The following KPTN variants were observed in gnomAD, a reference collection of about 807,000 sequenced individuals.
The protein encoded by KPTN is kaptin, actin binding protein.
A neutral mutation model predicts 52.6 loss-of-function variants in KPTN; 36 were observed. The ratio of observed to expected loss-of-function variants is 0.68; its 90% CI spans 0.52 to 0.90. KPTN has a LOEUF of 0.90. Among genes scored for constraint, KPTN ranks in the 40% least tolerant of loss-of-function variants. The pLI, the probability that KPTN is intolerant of heterozygous loss-of-function variation, is 0.00. For missense variants in KPTN, 529 were observed against 576.2 expected (o/e 0.92, Z 0.84); for synonymous variants, 271 against 248.4 (o/e 1.09, Z -0.85).
In KPTN at chr19:47,479,899, A is replaced by G; in HGVS notation, c.751T>C (p.Ser251Pro). The G allele has an allele frequency of 6.2e-7, 1 of 1,613,050 alleles. No homozygotes were observed. Among genetic ancestry groups the G allele is most frequent in the Non-Finnish European group, 8.5e-7 (1 of 1,179,492 alleles). Residue 251 changes from serine (S) to proline (P), a missense_variant, in exon 8 of 12, where the codon TCC (serine) becomes CCC (proline). Ser to Pro is a moderately conservative substitution (Grantham distance 74). Coordinates refer to ENST00000338134, the MANE Select transcript of KPTN (RefSeq NM_007059.4). ...GAGAGGCTGAACACAATCACTCGGGAGATGGGACCGTCCTGCAGGACCGAC... is the reference window on the plus strand; with the variant it reads ...GAGAGGCTGAACACAATCACTCGGGGGATGGGACCGTCCTGCAGGACCGAC... ...MWSVLQDGPI[S>P]RVIVFSLSAA...
In KPTN at chr19:47,483,537, T is replaced by TG. The variant is rs747000023; in HGVS notation, c.273dup (p.Lys92GlnfsTer33). 3.2e-6 allele frequency: 5 copies of TG among 1,580,270 alleles called. No homozygotes were observed. The highest frequency in any genetic ancestry group is 2.3e-5 in the East Asian group (1 of 43,024). ...GTGATCCCCACAACCAGACCCCGCT[T>TG]GGGGGGTGACTTGTTGAAAGTGTCG... On this transcript the variant is annotated frameshift_variant, in exon 2 of 12. Coordinates refer to ENST00000338134, the MANE Select transcript of KPTN (RefSeq NM_007059.4). LOFTEE classifies it high-confidence loss of function.
At position 47,484,058 on chromosome 19, in the gene KPTN, C is replaced by A. The variant is rs766565965; in HGVS notation, c.103G>T (p.Ala35Ser). ...QSNVYGLAGG[A>S]GGRGELLAAT... Reference sequence around the variant, plus strand: ...GCCAGCAGCTCCCCGCGCCCGCCGGCGCCGCCTGCCAGCCCGTACACATTG... The same window carrying A: ...GCCAGCAGCTCCCCGCGCCCGCCGGAGCCGCCTGCCAGCCCGTACACATTG... Residue 35 changes from alanine to serine, a missense_variant, in exon 1 of 12, where the codon GCC becomes TCC. Transcript: ENST00000338134. 5 of 1,610,468 alleles carry A rather than the reference C, an allele frequency of 3.1e-6. No homozygotes were observed. In the Admixed American group the frequency reaches 6.7e-5, roughly 21 times the overall value.
At position 47,475,304 on chromosome 19, in the gene KPTN, C is replaced by G; in HGVS notation, c.*112G>C. The G allele has an allele frequency of 1.5e-6, 2 of 1,350,736 alleles. No homozygotes were observed. Among genetic ancestry groups the G allele is most frequent in the Non-Finnish European group, 2.0e-6 (2 of 998,656 alleles). 83.7% of individuals were successfully genotyped at this position (1,350,736 alleles called of 1,614,324 possible). A position where few individuals can be genotyped will look rare whatever the true frequency, so the allele number is the denominator to read the frequency against. The stretch of plus-strand genomic sequence containing the variant: ...GGGCCCCAGGGCACAGCTTCACCAC[C>G]CTGGGGAGGTCTGGGGAGAGCATCC... On this transcript the variant is annotated 3_prime_UTR_variant, in exon 12 of 12. Coordinates refer to ENST00000338134, the MANE Select transcript of KPTN (RefSeq NM_007059.4).
rs1362613811 is a variant in KPTN at position 47,476,953 on chromosome 19, T to C, written c.864-15A>G. Reference sequence around the variant, plus strand: ...TCAGCAGGTCCCTGAGGGTCCCAAATACAGCATATAGACTGGGGTCAGCTT... The same window carrying C: ...TCAGCAGGTCCCTGAGGGTCCCAAACACAGCATATAGACTGGGGTCAGCTT... On this transcript the variant is annotated splice_polypyrimidine_tract_variant and intron_variant, in intron 9 of 11. Coordinates refer to ENST00000338134, the MANE Select transcript of KPTN (RefSeq NM_007059.4). 1 of 1,552,658 alleles carries C rather than the reference T, an allele frequency of 6.4e-7. No individual in the cohort carries two copies. Among genetic ancestry groups the C allele is most frequent in the Non-Finnish European group, 8.7e-7 (1 of 1,147,770 alleles).
At chr19:47,477,324 G>A (rs188142393) in intron 9 of KPTN, among the ~76,000 whole-genome samples, 1 of 152,330 alleles carries the variant, frequency 6.6e-6, no homozygotes, top group Admixed American at 6.5e-5. Context: ...GCTTCCGAGA[G>A]CTGACTGGGA....
chr19:47,480,215 C>T (rs1599874099), intron 7 of KPTN, 83 bp downstream of exon 7: 2 of 884,816 alleles, frequency 2.3e-6, no homozygotes, highest in Non-Finnish European at 3.5e-6. Context: ...CCTACCCCAC[C>T]CAGCTCCAGC....
intron 9 of KPTN, among the ~76,000 whole-genome samples, chr19:47,477,477 A>G (rs1041213445): frequency 6.6e-6 from 1 of 151,976 alleles, no homozygotes; most frequent in Admixed American, 6.6e-5. Context: ...TACCTACTAC[A>G]TCTACTCCAG....
chr19:47,480,385 T>C lies in KPTN; in HGVS notation c.622A>G (p.Asn208Asp). The C allele has an allele frequency of 6.5e-7, 1 of 1,548,788 alleles. No homozygotes were observed. The highest frequency in any genetic ancestry group is 8.7e-7 in the Non-Finnish European group (1 of 1,146,120). ...AGGCGCCGGGACGTGCCGGGGAAGTTGTGGACGTCCAGCCAGAGGACGCTG... is the reference window on the plus strand; with the variant it reads ...AGGCGCCGGGACGTGCCGGGGAAGTCGTGGACGTCCAGCCAGAGGACGCTG... Reference protein sequence around the residue: ...TSSVLWLDVHNFPGTSRRLSA... With the variant: ...TSSVLWLDVHDFPGTSRRLSA... The change falls in exon 7 of 12, where the codon AAC becomes GAC. Residue 208 changes from asparagine to aspartate, a missense_variant. Coordinates refer to ENST00000338134, the MANE Select transcript of KPTN (RefSeq NM_007059.4).
In KPTN at chr19:47,483,973, C is replaced by G. The variant is rs142867197; in HGVS notation, c.188G>C (p.Arg63Pro). 2.5e-6 allele frequency: 4 copies of G among 1,613,730 alleles called. No individual in the cohort carries two copies. The highest frequency in any genetic ancestry group is 3.4e-6 in the Non-Finnish European group (4 of 1,179,986). Residue 63 changes from arginine to proline, a missense_variant, in exon 1 of 12, where the codon CGG becomes CCG. Coordinates refer to ENST00000338134, the MANE Select transcript of KPTN (RefSeq NM_007059.4). ...GAACTGCAGCTCCTTGGCCACTGGC[C>G]GGATTTTCTGTCGGAGGTCTTGGTA... ...FRYQDLRQKI[R>P]PVAKELQFNY...
intron 4 of KPTN, 24 bp downstream of exon 4, chr19:47,483,137 C>A (rs1452941163): frequency 1.2e-6 from 2 of 1,610,348 alleles, no homozygotes; most frequent in South Asian, 2.2e-5. Flanking sequence ...GTGGAGTGGG[C>A]GTCGATGCGC....
rs1283504385 is a variant in KPTN, at chr19:47,480,792, G to A, written c.567C>T (p.Asn189=). 6.2e-7 allele frequency: 1 copy of A among 1,614,018 alleles called. No homozygotes were observed. The highest frequency in any genetic ancestry group is 8.5e-7 in the Non-Finnish European group (1 of 1,180,004). The stretch of plus-strand genomic sequence containing the variant: ...TCAGGTTCGTCAGCTCTGGGAAGAG[G>A]TTTTCCACGGGCTGTTCCTCAAACT... ...LHQFEEQPVE[N]LFPELTNLTS... The change falls in exon 6 of 12, where the codon AAC becomes AAT. Residue 189 remains asparagine (N), a synonymous_variant. Coordinates refer to ENST00000338134, the MANE Select transcript of KPTN (RefSeq NM_007059.4).
chr19:47,484,330 G>A (rs150630987), upstream of KPTN: 4,826 of 799,242 alleles, frequency 6.0e-3, 47 homozygotes, highest in South Asian at 0.025. Context: ...TCGCCTGCTC[G>A]GGCCTCCCAG....
chr19:47,480,519 G>A, intron 6 of KPTN, 112 bp from the exon 7 acceptor site: 2 of 811,822 alleles, frequency 2.5e-6, no homozygotes, highest in South Asian at 3.5e-5. Context: ...CCTGCTGCTT[G>A]ATTCCTCCTG....
chr19:47,478,567 T>TCAAAAAAAAAA (rs1967755974), intron 8 of KPTN, among the ~76,000 whole-genome samples: 1 of 66,234 alleles, frequency 1.5e-5, no homozygotes, highest in African/African-American at 4.9e-5. Context: ...AGACTCTGTC[T>TCAAAAAAAAAA]AAAAAAAAAA....
At chr19:47,478,925 A>G (rs1188597178) in intron 8 of KPTN, among the ~76,000 whole-genome samples, 1 of 152,238 alleles carries the variant, frequency 6.6e-6, no homozygotes, top group African/African-American at 2.4e-5. Context: ...GATAGAAGCT[A>G]CACATTAGGT....
intron 11 of KPTN, 87 bp from the exon 12 acceptor site, chr19:47,475,631 AG>A: frequency 6.6e-7 from 1 of 1,524,760 alleles, no homozygotes; most frequent in Non-Finnish European, 9.0e-7. Context: ...GCAACTCCAA[AG>A]GCCAGGAGCT....
chr19:47,477,566 C>A, intron 9 of KPTN, 140 bp downstream of exon 9: 1 of 634,114 alleles, frequency 1.6e-6, no homozygotes, highest in South Asian at 1.8e-5. Context: ...TCACAGCCCC[C>A]ACCCCTGGGT....
At chr19:47,476,412 TC>T (rs1967666453) in intron 11 of KPTN, 119 bp downstream of exon 11, 3 of 715,646 alleles carry the variant, frequency 4.2e-6, no homozygotes, top group Non-Finnish European at 4.2e-6. Flanking sequence ...CTGGGAGTTG[TC>T]CTGACTGGTA....
At chr19:47,483,847 C>A in intron 1 of KPTN, 88 bp downstream of exon 1, 1 of 1,551,928 alleles carries the variant, frequency 6.4e-7, no homozygotes, top group South Asian at 1.2e-5. Flanking sequence ...ATTCTTCCAG[C>A]ACGGTGACCC....
Sources: gnomAD v4.1 joint callset for allele counts (sites outside exome capture counted in the v4.1 genomes callset) on GRCh38, gnomAD v4.1.1 for gene constraint, MANE v1.5 for transcripts, NCBI Gene and HGNC (gene_info 2026-07-23, HGNC 2026-07-21) for gene names.